The following LIN52 variants were observed in gnomAD, a reference collection of about 807,000 sequenced individuals.
The protein encoded by LIN52 is lin-52 DREAM MuvB core complex component.
Under a neutral mutation model 18.5 loss-of-function variants are expected in LIN52, and 4 were observed. The ratio of observed to expected loss-of-function variants is 0.22; its 90% CI spans 0.11 to 0.49. LIN52 has a LOEUF of 0.49. Ranked by LOEUF, LIN52 falls within the 20% of genes least tolerant of loss-of-function variation. The pLI is 0.97. For synonymous variants in LIN52, 34 were observed against 45.5 expected (o/e 0.75, Z 1.02); for missense variants, 102 against 139.5 (o/e 0.73, Z 1.35).
rs543503099 is a variant in LIN52, at chr14:74,119,160, C to CTT, written c.283+17940_283+17941dup. Among the ~76,000 whole-genome samples the CTT allele has an allele frequency of 1.4e-3, 164 of 115,420 alleles. 2 individuals are homozygous for CTT. Among genetic ancestry groups the CTT allele is most frequent in the Middle Eastern group, 4.6e-3 (1 of 216 alleles). The allele number at this position is 115,420 out of a possible 152,430, so 75.7% of individuals were successfully genotyped here. Reference sequence around the variant, plus strand: ...TTTTTTTGGTACATGGATTTTCTTTCTTTTTTTTTTTTTTTTTTTGAGACA... The same window carrying CTT: ...TTTTTTTGGTACATGGATTTTCTTTCTTTTTTTTTTTTTTTTTTTTTGAGACA... On this transcript the variant is annotated intron_variant, in intron 5 of 5. Transcript: ENST00000555028.
At chr14:74,141,047 A>G (rs748886838) in intron 5 of LIN52, among the ~76,000 whole-genome samples, 1 of 152,220 alleles carries the variant, frequency 6.6e-6, no homozygotes, top group Non-Finnish European at 1.5e-5. Flanking sequence ...CAAACACTGT[A>G]ATGGTAAATA....
At chr14:74,145,745 G>GT (rs1453775326) in intron 5 of LIN52, among the ~76,000 whole-genome samples, 1 of 152,212 alleles carries the variant, frequency 6.6e-6, no homozygotes, top group East Asian at 1.9e-4. Flanking sequence ...TTCAAGCTTA[G>GT]ACATTTCTGG....
intron 5 of LIN52, among the ~76,000 whole-genome samples, chr14:74,157,705 G>A (rs2109754): frequency 0.78 from 117,814 of 151,828 alleles, 46,026 homozygotes; most frequent in Admixed American, 0.81. Flanking sequence ...ATGAGCCACC[G>A]TGCTCAGCAT....
At chr14:74,195,913 C>T (rs187004241) in intron 5 of LIN52, among the ~76,000 whole-genome samples, 229 of 152,258 alleles carry the variant, frequency 1.5e-3, no homozygotes, top group African/African-American at 5.2e-3. Context: ...GACAAGTGAA[C>T]AGGAGGGCAC....
intron 5 of LIN52, among the ~76,000 whole-genome samples, chr14:74,130,277 G>GTTTTTTTTTTTTTTTTTTTTTTTT (rs371965343): frequency 2.2e-5 from 1 of 46,406 alleles, no homozygotes; most frequent in African/African-American, 1.8e-4. Flanking sequence ...GGCATTTTTT[G>GTTTTTTTTTTTTTTTTTTTTTTTT]GTTTTTTTTT....
At chr14:74,102,898 A>G (rs1462867945) in intron 5 of LIN52, among the ~76,000 whole-genome samples, 1 of 152,222 alleles carries the variant, frequency 6.6e-6, no homozygotes, top group African/African-American at 2.4e-5. Context: ...ATACCAAAGT[A>G]GAGTGAACGG....
intron 5 of LIN52, among the ~76,000 whole-genome samples, chr14:74,118,574 G>T (rs1257225778): frequency 6.6e-6 from 1 of 152,128 alleles, no homozygotes; most frequent in African/African-American, 2.4e-5. Flanking sequence ...AGGAATTCCA[G>T]ACCAGCCTGG....
Position 74,103,733 on chromosome 14 carries a change from G to GT in LIN52, c.283+2531dup, listed in dbSNP as rs573188668. ...AGGTGTGAGCCACCGGGCCTGGCCA[G>GT]TTTTTTTTTTTTTTTTTTTTTTTTT... is the stretch of plus-strand genomic sequence containing the variant. On this transcript the variant is annotated intron_variant, in intron 5 of 5. Coordinates refer to ENST00000555028, the MANE Select transcript of LIN52 (RefSeq NM_001024674.3). Among the ~76,000 whole-genome samples, 215 of 46,028 alleles carry GT rather than the reference G, an allele frequency of 4.7e-3. 15 individuals are homozygous for GT. The highest frequency in any genetic ancestry group is 5.9e-3 in the African/African-American group (76 of 12,864). The allele number at this position is 46,028 out of a possible 152,430, so 30.2% of individuals were successfully genotyped here.
At chr14:74,088,546 T>G (rs1454323541) in intron 1 of LIN52, among the ~76,000 whole-genome samples, 3 of 152,194 alleles carry the variant, frequency 2.0e-5, no homozygotes, top group African/African-American at 7.2e-5. Flanking sequence ...TTTGTTATGG[T>G]TGAACATTCC....
rs2060770596 is a variant in LIN52 at position 74,091,249 on chromosome 14, T to A, written c.37T>A (p.Ser13Thr). 1 of 1,611,334 alleles carries A rather than the reference T, an allele frequency of 6.2e-7. No homozygotes were observed. Among genetic ancestry groups the A allele is most frequent in the African/African-American group, 1.3e-5 (1 of 74,888 alleles). ...SPTDGTDLEA[S>T]LLSFEKLDRA... ...TGTTCTAGGGACAGATCTGGAAGCA[T>A]CTTTGCTAAGTTTTGAAAAACTTGA... Residue 13 changes from serine (S) to threonine (T), a missense_variant, in exon 2 of 6, where the codon TCT (serine) becomes ACT (threonine). Transcript: ENST00000555028.
rs1478476546 is a variant in LIN52 at position 74,199,770 on chromosome 14, A to C, written c.*793A>C. 6.6e-6 allele frequency: 1 copy of C among 152,228 alleles called. No individual in the cohort carries two copies. Among genetic ancestry groups the C allele is most frequent in the Non-Finnish European group, 1.5e-5 (1 of 68,044 alleles). 9.4% of individuals were successfully genotyped at this position (152,228 alleles called of 1,614,324 possible). On this transcript the variant is annotated 3_prime_UTR_variant, in exon 6 of 6. Transcript: ENST00000555028. ...CAGCTTCAAGCAAGAAAGTCAGTAT[A>C]GCCTGAAAGACAAGAGAAACGGGAT...
chr14:74,191,801 T>C (rs576152881), intron 5 of LIN52, among the ~76,000 whole-genome samples: 1 of 151,784 alleles, frequency 6.6e-6, no homozygotes, highest in East Asian at 1.9e-4. Context: ...GCCTGGCTAA[T>C]TTTTTTTGTA....
chr14:74,195,788 G>A (rs558242962), intron 5 of LIN52, among the ~76,000 whole-genome samples: 3 of 152,266 alleles, frequency 2.0e-5, no homozygotes, highest in South Asian at 4.1e-4. Context: ...GTTAGCGGGC[G>A]GTGATTACTG....
At chr14:74,169,877 T>G (rs564151177) in intron 5 of LIN52, among the ~76,000 whole-genome samples, 2 of 152,198 alleles carry the variant, frequency 1.3e-5, no homozygotes, top group South Asian at 4.2e-4. Flanking sequence ...GTAAAAGAAG[T>G]TTGTGTGAAG....
Position 74,117,227 on chromosome 14 carries a change from G to A in LIN52, c.283+15989G>A, listed in dbSNP as rs182738710. On this transcript the variant is annotated intron_variant, in intron 5 of 5. Coordinates refer to ENST00000555028, the MANE Select transcript of LIN52 (RefSeq NM_001024674.3). ...GTGCTTGCATAAGTAGGAATTGAGA[G>A]CAAAAGAAATGGTAGGCTGTTGGGT... Among the ~76,000 whole-genome samples, 560 of 152,296 alleles carry A rather than the reference G, an allele frequency of 3.7e-3. 2 individuals carry two copies. The highest frequency in any genetic ancestry group is 6.8e-3 in the South Asian group (33 of 4,822).
chr14:74,118,213 A>T (rs993199852), intron 5 of LIN52, among the ~76,000 whole-genome samples: 1 of 152,012 alleles, frequency 6.6e-6, no homozygotes, highest in East Asian at 1.9e-4. Context: ...GTGAGCTATG[A>T]TCATGCCACT....
chr14:74,191,086 C>A (rs1335330824), intron 5 of LIN52, among the ~76,000 whole-genome samples: 1 of 152,224 alleles, frequency 6.6e-6, no homozygotes, highest in African/African-American at 2.4e-5. Flanking sequence ...AAGAGTCAGT[C>A]TGGCAGACTG....
rs374004145 is a variant in LIN52 at position 74,084,989 on chromosome 14, A to C, written c.15A>C (p.Thr5=). 2 of 1,419,772 alleles carry C rather than the reference A, an allele frequency of 1.4e-6. No individual in the cohort carries two copies. The allele number at this position is 1,419,772 out of a possible 1,614,324, so 87.9% of individuals were successfully genotyped here. Residue 5 remains threonine, a synonymous_variant, in exon 1 of 6, where the codon ACA becomes ACC. Transcript: ENST00000555028. Reference sequence around the variant, plus strand: ...TGGGTTGGAAGATGGCGTCTCCCACAGACGGTAAGAGCCGGCTTAGAGATC... The same window carrying C: ...TGGGTTGGAAGATGGCGTCTCCCACCGACGGTAAGAGCCGGCTTAGAGATC... MASP[T]DGTDLEASLL...
At chr14:74,127,311 T>C (rs1472118632) in intron 5 of LIN52, among the ~76,000 whole-genome samples, 25 of 152,156 alleles carry the variant, frequency 1.6e-4, no homozygotes, top group Admixed American at 1.6e-3. Flanking sequence ...GAAAAAGATA[T>C]TTCGGTATGA....
Sources: allele counts gnomAD v4.1 joint callset (sites outside exome capture counted in the v4.1 genomes callset), GRCh38; gene constraint gnomAD v4.1.1; transcripts MANE v1.5; gene names NCBI Gene and HGNC (gene_info 2026-07-23, HGNC 2026-07-21).